PPP2R2B: variants seen among roughly 807,000 people sequenced by gnomAD.
PPP2R2B encodes the protein serine/threonine-protein phosphatase 2A 55 kDa regulatory subunit B beta isoform.
PPP2R2B carries 5 observed loss-of-function variants against 46.0 expected under a neutral mutation model. The ratio of observed to expected loss-of-function variants is 0.11; its 90% CI spans 0.06 to 0.23. The LOEUF (loss-of-function observed/expected upper bound fraction) is 0.23, where lower values mean the gene tolerates loss of function less well. Among genes scored for constraint, PPP2R2B ranks in the 10% least tolerant of loss-of-function variants. The probability of loss-of-function intolerance (pLI) is 1.00; values close to 1 mark genes in which losing one functional copy is unlikely to be tolerated. For synonymous variants in PPP2R2B, 215 were observed against 206.7 expected (o/e 1.04, Z -0.34); for missense variants, 367 against 575.0 (o/e 0.64, Z 3.70).
chr5:146,855,257 A>G (rs138750868), intron 2 of PPP2R2B, among the ~76,000 whole-genome samples: 1 of 152,216 alleles, frequency 6.6e-6, no homozygotes. Flanking sequence ...TTTCAATAGC[A>G]AGGGAAGAGC....
At chr5:146,747,756 T>G (rs1030899555) in intron 2 of PPP2R2B, among the ~76,000 whole-genome samples, 10 of 152,216 alleles carry the variant, frequency 6.6e-5, no homozygotes, top group Admixed American at 5.9e-4. Context: ...AAATTATTTC[T>G]TCAATTTATG....
intron 1 of PPP2R2B, among the ~76,000 whole-genome samples, chr5:147,014,990 A>T (rs1341545074): frequency 1.3e-5 from 2 of 152,174 alleles, no homozygotes; most frequent in South Asian, 2.1e-4. Context: ...TTAAAAAAAA[A>T]TCCCAAATCC....
At chr5:146,871,233 T>G (rs1340989093) in intron 2 of PPP2R2B, among the ~76,000 whole-genome samples, 1 of 152,200 alleles carries the variant, frequency 6.6e-6, no homozygotes, top group South Asian at 2.1e-4. Flanking sequence ...GCCTCAGACA[T>G]CTACATATTT....
chr5:146,634,962 G>A (rs1247298100), intron 7 of PPP2R2B, among the ~76,000 whole-genome samples: 1 of 152,150 alleles, frequency 6.6e-6, no homozygotes, highest in African/African-American at 2.4e-5. Context: ...TCCTATATCT[G>A]GCAAGAGGGT....
At chr5:146,954,595 A>C (rs1333907380) in intron 1 of PPP2R2B, among the ~76,000 whole-genome samples, 1 of 152,130 alleles carries the variant, frequency 6.6e-6, no homozygotes. Flanking sequence ...AAAATCTCAC[A>C]AATCTCCACC....
chr5:147,042,734 G>GA lies in PPP2R2B; in HGVS notation c.79+12930dup, dbSNP rs113571347. Among the ~76,000 whole-genome samples, 1,149 of 152,254 alleles carry GA rather than the reference G, an allele frequency of 7.5e-3. 15 individuals carry two copies. Among genetic ancestry groups the GA allele is most frequent in the African/African-American group, 0.025 (1,041 of 41,546 alleles). Reference sequence around the variant, plus strand: ...AAATACATAATATGTCAAGTAGTAAGAAAATCTAGGCAGTGAGATGAAGGG... The same window carrying GA: ...AAATACATAATATGTCAAGTAGTAAGAAAAATCTAGGCAGTGAGATGAAGGG... On this transcript the variant is annotated intron_variant, in intron 1 of 8. Transcript: ENST00000336640.
chr5:146,684,095 T>C (rs1017577042), intron 5 of PPP2R2B, among the ~76,000 whole-genome samples: 3 of 152,206 alleles, frequency 2.0e-5, no homozygotes, highest in African/African-American at 7.2e-5. Flanking sequence ...ATAGGCTTGA[T>C]TGATTTTTCA....
At chr5:146,983,338 G>A (rs1276404226) in intron 1 of PPP2R2B, among the ~76,000 whole-genome samples, 3 of 151,566 alleles carry the variant, frequency 2.0e-5, no homozygotes, top group African/African-American at 4.8e-5. Flanking sequence ...CCGCCACCAC[G>A]CCCGGCTAAT....
rs560528715 is a variant in PPP2R2B, at chr5:146,580,985, C to T, written c.*8962G>A. Among the ~76,000 whole-genome samples the T allele has an allele frequency of 1.4e-4, 22 of 152,066 alleles. No homozygotes were observed. The South Asian group carries it at 4.2e-3, about 29-fold the overall frequency. On this transcript the variant is annotated 3_prime_UTR_variant, in exon 10 of 10. Transcript: ENST00000394411. ...CTTTTTGAGCTGAACTTTCTTGTTC[C>T]ATGATGGATACTTTCTCGGTTTCTA...
chr5:146,961,013 G>T (rs1013395475), intron 1 of PPP2R2B, among the ~76,000 whole-genome samples: 4 of 152,008 alleles, frequency 2.6e-5, no homozygotes, highest in African/African-American at 9.7e-5. Flanking sequence ...TACAACTCTT[G>T]CCCCAGCTTT....
At chr5:146,856,010 C>A (rs558667804) in intron 2 of PPP2R2B, among the ~76,000 whole-genome samples, 1 of 152,148 alleles carries the variant, frequency 6.6e-6, no homozygotes, top group Non-Finnish European at 1.5e-5. Context: ...TTCAGTGATA[C>A]CTTTTATTCT....
intron 1 of PPP2R2B, among the ~76,000 whole-genome samples, chr5:146,958,921 T>C (rs778356588): frequency 6.6e-6 from 1 of 152,198 alleles, no homozygotes; most frequent in Non-Finnish European, 1.5e-5. Context: ...ACAGAGAAAT[T>C]AAATTACATG....
intron 7 of PPP2R2B, among the ~76,000 whole-genome samples, chr5:146,636,699 A>G (rs1224985347): frequency 6.6e-6 from 1 of 152,174 alleles, no homozygotes; most frequent in Non-Finnish European, 1.5e-5. Flanking sequence ...ATAAGTACTC[A>G]CTGAATGCAT....
intron 8 of PPP2R2B, among the ~76,000 whole-genome samples, chr5:146,594,582 CT>C (rs1202702093): frequency 6.6e-6 from 1 of 152,216 alleles, no homozygotes; most frequent in East Asian, 1.9e-4. Flanking sequence ...CTAAAGCCAT[CT>C]TATGATGTAG....
chr5:147,073,820 A>G (rs143719970), intron 2 of PPP2R2B, among the ~76,000 whole-genome samples: 69 of 152,208 alleles, frequency 4.5e-4, no homozygotes, highest in African/African-American at 1.7e-3. Flanking sequence ...GGCAGATCAC[A>G]AGGTCAAGAG....
At chr5:147,041,124 TTC>T (rs1756274064) in intron 1 of PPP2R2B, among the ~76,000 whole-genome samples, 1 of 152,192 alleles carries the variant, frequency 6.6e-6, no homozygotes, top group South Asian at 2.1e-4. Context: ...TTTACACTAA[TTC>T]TCTGTGTGGT....
At chr5:146,942,316 C>T (rs1028009296) in intron 1 of PPP2R2B, among the ~76,000 whole-genome samples, 7 of 152,094 alleles carry the variant, frequency 4.6e-5, no homozygotes, top group African/African-American at 7.2e-5. Context: ...TAGATTCCTC[C>T]CACCAAAAAT....
At chr5:147,075,533 A>G (rs1757738000) in intron 2 of PPP2R2B, among the ~76,000 whole-genome samples, 1 of 152,162 alleles carries the variant, frequency 6.6e-6, no homozygotes, top group African/African-American at 2.4e-5. Flanking sequence ...TCATATATAT[A>G]CATACAACTT....
At chr5:146,820,366 CA>C (rs1388006596) in intron 2 of PPP2R2B, among the ~76,000 whole-genome samples, 1 of 151,866 alleles carries the variant, frequency 6.6e-6, no homozygotes, top group Admixed American at 6.6e-5. Flanking sequence ...ACACACAAAA[CA>C]AAACAAAAAC....
Sources: gnomAD v4.1 joint callset for allele counts (sites outside exome capture counted in the v4.1 genomes callset) on GRCh38, gnomAD v4.1.1 for gene constraint, MANE v1.5 for transcripts, NCBI Gene and HGNC (gene_info 2026-07-23, HGNC 2026-07-21) for gene names.